CENPP: variants seen among roughly 807,000 people sequenced by gnomAD.
CENPP encodes the protein centromere protein P.
In CENPP, 24 loss-of-function variants were observed where a neutral mutation model predicts 35.6. The ratio of observed to expected loss-of-function variants is 0.67; its 90% CI spans 0.49 to 0.95. CENPP has a LOEUF of 0.95. CENPP is among the 40% of genes least tolerant of loss of function. The pLI is 0.00. For synonymous variants in CENPP, 120 were observed against 125.5 expected, an observed-to-expected ratio of 0.96 and a Z score of 0.29; for missense variants, 332 against 345.3, an observed-to-expected ratio of 0.96 and a Z score of 0.31.
chr9:92,436,302 A>G (rs1320424578), intron 5 of CENPP, among the ~76,000 whole-genome samples: 2 of 152,222 alleles, frequency 1.3e-5, no homozygotes, highest in Non-Finnish European at 1.5e-5. Context: ...TAGAACAAGG[A>G]GTACCTTTGT....
intron 5 of CENPP, chr9:92,495,964 A>G: frequency 2.0e-6 from 2 of 989,048 alleles, no homozygotes; most frequent in Non-Finnish European, 2.4e-6. Context: ...TTTTAAAGGG[A>G]CTTACAGAGT....
intron 5 of CENPP, among the ~76,000 whole-genome samples, chr9:92,610,033 A>T (rs1851193700): frequency 6.6e-6 from 1 of 151,588 alleles, no homozygotes; most frequent in South Asian, 2.1e-4. Flanking sequence ...CACCCACCGC[A>T]CCCAGCCAAA....
At chr9:92,374,283 A>G (rs757108968) in intron 4 of CENPP, among the ~76,000 whole-genome samples, 3,667 of 82,248 alleles carry the variant, frequency 0.045, 52 homozygotes, top group Non-Finnish European at 0.071. Context: ...GTGTGTGTGT[A>G]TGTGAACCCC....
intron 5 of CENPP, among the ~76,000 whole-genome samples, chr9:92,575,095 A>G (rs1221883003): frequency 1.3e-5 from 2 of 152,198 alleles, no homozygotes; most frequent in African/African-American, 2.4e-5. Flanking sequence ...TGTAAAACCT[A>G]AAAGTATAAT....
At chr9:92,524,418 G>A (rs1848263931) in intron 5 of CENPP, among the ~76,000 whole-genome samples, 3 of 152,168 alleles carry the variant, frequency 2.0e-5, no homozygotes, top group African/African-American at 7.2e-5. Flanking sequence ...TGTGAAGTCT[G>A]GTGGCCAGGG....
At chr9:92,436,405 T>C (rs889404823) in intron 5 of CENPP, among the ~76,000 whole-genome samples, 5 of 152,228 alleles carry the variant, frequency 3.3e-5, no homozygotes, top group Non-Finnish European at 7.3e-5. Context: ...TTTTAAATTT[T>C]GGTGAAGTCC....
In CENPP at chr9:92,474,173, A is replaced by T. The variant is rs534666124; in HGVS notation, c.564+94314A>T. ...AGGCAGTTTTAAACCCAAATTGCTA[A>T]AAAGCAAATAAAGCATTATCTTTAA... On this transcript the variant is annotated intron_variant, in intron 5 of 7. Transcript: ENST00000375587. Among the ~76,000 whole-genome samples the T allele has an allele frequency of 1.0e-3, 153 of 152,374 alleles. 1 individual carries two copies. Among genetic ancestry groups the T allele is most frequent in the Middle Eastern group, 3.4e-3 (1 of 294 alleles).
intron 5 of CENPP, among the ~76,000 whole-genome samples, chr9:92,521,001 C>T (rs879621035): frequency 2.0e-5 from 3 of 152,030 alleles, no homozygotes; most frequent in East Asian, 3.9e-4. Flanking sequence ...TTTGGTGGGA[C>T]GAAAATGTGC....
chr9:92,363,753 C>G (rs1437924748), intron 4 of CENPP, among the ~76,000 whole-genome samples: 1 of 152,074 alleles, frequency 6.6e-6, no homozygotes, highest in Non-Finnish European at 1.5e-5. Context: ...TATCATTTCA[C>G]ATTTCTATGT....
intron 5 of CENPP, among the ~76,000 whole-genome samples, chr9:92,581,629 A>G (rs1296110764): frequency 1.3e-5 from 2 of 152,222 alleles, no homozygotes; most frequent in Non-Finnish European, 2.9e-5. Context: ...AATAAAGAGA[A>G]TGTTAGATTA....
At chr9:92,387,751 T>C (rs1277887561) in intron 5 of CENPP, among the ~76,000 whole-genome samples, 2 of 152,120 alleles carry the variant, frequency 1.3e-5, no homozygotes, top group African/African-American at 4.8e-5. Context: ...ATAGGGCAGC[T>C]GAATTTATTA....
chr9:92,545,693 A>C lies in CENPP; in HGVS notation c.565-65621A>C, dbSNP rs545501038. 7.6e-3 allele frequency among the ~76,000 whole-genome samples: 1,158 copies of C among 152,318 alleles called. 6 individuals carry two copies. The highest frequency in any genetic ancestry group is 0.012 in the Non-Finnish European group (802 of 68,014). On this transcript the variant is annotated intron_variant, in intron 5 of 7. Coordinates refer to ENST00000375587, the MANE Select transcript of CENPP (RefSeq NM_001012267.3). ...AGCCTGGTGCGGGATCCACTGGGTG[A>C]ATCCAGCTGGGCTCATCCAGCTGGG... is the stretch of plus-strand genomic sequence containing the variant.
intron 5 of CENPP, among the ~76,000 whole-genome samples, chr9:92,442,831 G>A (rs976392044): frequency 6.6e-6 from 1 of 151,162 alleles, no homozygotes. Context: ...CCTAGGTGAC[G>A]GTGCAAGACT....
intron 5 of CENPP, among the ~76,000 whole-genome samples, chr9:92,481,069 A>G (rs1296742740): frequency 2.0e-5 from 3 of 152,200 alleles, no homozygotes; most frequent in East Asian, 3.8e-4. Flanking sequence ...CCACATGTCT[A>G]GCAATCAAGC....
chr9:92,431,722 C>T (rs1411728199), intron 5 of CENPP, among the ~76,000 whole-genome samples: 2 of 151,878 alleles, frequency 1.3e-5, no homozygotes, highest in Admixed American at 1.3e-4. Flanking sequence ...TTACAGGCGC[C>T]TGCCACCACG....
At chr9:92,454,441 A>T (rs1477422874) in intron 5 of CENPP, among the ~76,000 whole-genome samples, 3 of 152,126 alleles carry the variant, frequency 2.0e-5, no homozygotes, top group African/African-American at 7.2e-5. Flanking sequence ...GAATTTCAAG[A>T]TGTTGGGTTT....
intron 5 of CENPP, among the ~76,000 whole-genome samples, chr9:92,482,664 G>A (rs1332341715): frequency 1.4e-4 from 22 of 152,214 alleles, no homozygotes; most frequent in Non-Finnish European, 4.4e-5. Flanking sequence ...CATTGAAAGT[G>A]CAGTCGGAGT....
At chr9:92,355,236 A>G (rs1383108386) in intron 4 of CENPP, among the ~76,000 whole-genome samples, 2 of 152,154 alleles carry the variant, frequency 1.3e-5, no homozygotes, top group Non-Finnish European at 2.9e-5. Context: ...CCTTATCTCA[A>G]CTGCATAAGA....
chr9:92,568,207 G>T (rs980591867), intron 5 of CENPP, among the ~76,000 whole-genome samples: 2 of 151,326 alleles, frequency 1.3e-5, no homozygotes, highest in Non-Finnish European at 2.9e-5. Flanking sequence ...TTTACATTAG[G>T]TATATCTCCT....
Sources: gnomAD v4.1 joint callset for allele counts (sites outside exome capture counted in the v4.1 genomes callset) on GRCh38, gnomAD v4.1.1 for gene constraint, MANE v1.5 for transcripts, NCBI Gene and HGNC (gene_info 2026-07-23, HGNC 2026-07-21) for gene names.